Variants in DCAF8L2 observed in about 807,000 individuals in gnomAD.
DCAF8L2 encodes the protein DDB1 and CUL4 associated factor 8 like 2.
For synonymous variants in DCAF8L2, 200 were observed against 190.9 expected (o/e 1.05, Z -0.39); for missense variants, 430 against 490.7 (o/e 0.88, Z 1.17).
intron 3 of DCAF8L2, among the ~76,000 whole-genome samples, chrX:27,698,275 G>GC (rs779954966): frequency 9.9e-5 from 11 of 111,390 alleles, no homozygotes; most frequent in African/African-American, 3.6e-4. Context: ...GTTTGTTGAT[G>GC]CAACAACTGT....
chrX:27,547,389 T>C, the DCAF8L2 span, among the ~76,000 whole-genome samples: 164 of 112,392 alleles, frequency 1.5e-3, no homozygotes, highest in African/African-American at 4.9e-3. Context: ...TTTTTGGGTA[T>C]CTTTACAGCA....
intron 2 of DCAF8L2, among the ~76,000 whole-genome samples, chrX:27,634,706 C>T (rs762952077): frequency 6.3e-5 from 7 of 110,995 alleles, no homozygotes; most frequent in African/African-American, 2.0e-4. Context: ...CACCTGACCT[C>T]AGGTGATGGA....
chrX:27,746,119 T>C (rs1447295571), intron 4 of DCAF8L2, among the ~76,000 whole-genome samples: 2 of 111,914 alleles, frequency 1.8e-5, no homozygotes, highest in East Asian at 5.6e-4. Context: ...TAAATTCTTC[T>C]CACTAAAGGA....
At chrX:27,524,873 G>T in the DCAF8L2 span, among the ~76,000 whole-genome samples, 1 of 112,200 alleles carries the variant, frequency 8.9e-6, no homozygotes, top group Non-Finnish European at 1.9e-5. Flanking sequence ...GTTCTAGTTT[G>T]ATTGCATTGT....
chrX:27,646,692 G>T (rs1928951862), intron 2 of DCAF8L2, among the ~76,000 whole-genome samples: 1 of 110,214 alleles, frequency 9.1e-6, no homozygotes, highest in Admixed American at 9.7e-5. Context: ...GATCTATAAG[G>T]AACTTAAGCA....
intron 2 of DCAF8L2, among the ~76,000 whole-genome samples, chrX:27,675,161 T>C (rs1033251538): frequency 4.5e-5 from 5 of 111,526 alleles, no homozygotes; most frequent in African/African-American, 1.6e-4. Context: ...ACAGAAGAAT[T>C]GAAATATCCA....
the DCAF8L2 span, among the ~76,000 whole-genome samples, chrX:27,483,128 A>C: frequency 1.8e-5 from 2 of 111,591 alleles, no homozygotes; most frequent in East Asian, 2.8e-4. Flanking sequence ...ACATTTTATA[A>C]CACTTTAACA....
chrX:27,602,216 G>C (rs771832398), intron 1 of DCAF8L2, among the ~76,000 whole-genome samples: 18 of 110,657 alleles, frequency 1.6e-4, no homozygotes, highest in Admixed American at 1.1e-3. Flanking sequence ...TGTATTTTTA[G>C]TAGAGACGGG....
Position 27,602,613 on chromosome X carries a change from A to T in DCAF8L2, c.-342+12173A>T, listed in dbSNP as rs751859913. On this transcript the variant is annotated intron_variant, in intron 1 of 4. Coordinates refer to ENST00000451261, the MANE Select transcript of DCAF8L2 (RefSeq NM_001353450.2). ...CTCAACAAATTGATCACAACTCCTAAAAAAAGAGTTGTATGAAATAATCAT... is the reference window on the plus strand; with the variant it reads ...CTCAACAAATTGATCACAACTCCTATAAAAAGAGTTGTATGAAATAATCAT... Among the ~76,000 whole-genome samples, 6 of 111,372 alleles carry T rather than the reference A, an allele frequency of 5.4e-5. No individual in the cohort carries two copies. In the East Asian group the frequency reaches 1.7e-3, roughly 32 times the overall value.
At chrX:27,526,621 C>A in the DCAF8L2 span, among the ~76,000 whole-genome samples, 2 of 112,327 alleles carry the variant, frequency 1.8e-5, no homozygotes, top group East Asian at 2.8e-4. Context: ...GAATTTTCAG[C>A]TTTTCTGCTC....
chrX:27,589,718 TG>T (rs1925991177), upstream of DCAF8L2, among the ~76,000 whole-genome samples: 1 of 112,174 alleles, frequency 8.9e-6, no homozygotes, highest in African/African-American at 3.2e-5. Flanking sequence ...CTCTAAGTAA[TG>T]TTGGATTTGA....
chrX:27,545,120 C>T, the DCAF8L2 span, among the ~76,000 whole-genome samples: 9 of 111,571 alleles, frequency 8.1e-5, no homozygotes, highest in Non-Finnish European at 1.3e-4. Context: ...CATTTAGCTT[C>T]GGCTTGATTC....
At chrX:27,715,143 A>G (rs796789346) in intron 3 of DCAF8L2, among the ~76,000 whole-genome samples, 1 of 110,757 alleles carries the variant, frequency 9.0e-6, no homozygotes, top group South Asian at 3.8e-4. Flanking sequence ...CTGTAATCCC[A>G]GCACTTTGGG....
chrX:27,567,113 T>G, the DCAF8L2 span, among the ~76,000 whole-genome samples: 9 of 111,563 alleles, frequency 8.1e-5, no homozygotes, highest in Admixed American at 7.7e-4. Context: ...TGATTTTTGA[T>G]CTTCTTAAAT....
the DCAF8L2 span, among the ~76,000 whole-genome samples, chrX:27,583,816 A>AT: frequency 8.9e-6 from 1 of 112,027 alleles, no homozygotes. Context: ...ATTGTCTTCC[A>AT]TGAAACCGAT....
chrX:27,533,176 A>AGAG, the DCAF8L2 span, among the ~76,000 whole-genome samples: 6 of 14,832 alleles, frequency 4.0e-4, no homozygotes, highest in Admixed American at 8.9e-4. Context: ...GAAAGAAAGA[A>AGAG]AGAAAGAAAG....
At chrX:27,697,638 A>G (rs1337558739) in intron 3 of DCAF8L2, among the ~76,000 whole-genome samples, 1 of 111,501 alleles carries the variant, frequency 9.0e-6, no homozygotes, top group Admixed American at 9.6e-5. Flanking sequence ...ATTAAATATT[A>G]GCTATTTCCC....
chrX:27,491,139 G>A, the DCAF8L2 span, among the ~76,000 whole-genome samples: 1 of 112,033 alleles, frequency 8.9e-6, no homozygotes, highest in African/African-American at 3.2e-5. Context: ...CTTTTGATTT[G>A]TATTTTCTTT....
chrX:27,591,141 A>C (rs1337169636), intron 1 of DCAF8L2, among the ~76,000 whole-genome samples: 1 of 108,605 alleles, frequency 9.2e-6, no homozygotes, highest in Non-Finnish European at 1.9e-5. Context: ...TTGAAAATAC[A>C]TGTACTGGTG....
Sources: allele counts gnomAD v4.1 joint callset (sites outside exome capture counted in the v4.1 genomes callset), GRCh38; gene constraint gnomAD v4.1.1; transcripts MANE v1.5; gene names NCBI Gene and HGNC (gene_info 2026-07-23, HGNC 2026-07-21).